SDK1: variants seen among roughly 807,000 people sequenced by gnomAD.
The protein encoded by SDK1 is sidekick cell adhesion molecule 1, also known as protein sidekick-1.
Under a neutral mutation model 245.5 loss-of-function variants are expected in SDK1, and 157 were observed. That is an observed-to-expected ratio of 0.64 (90% CI 0.56 to 0.73). SDK1 has a LOEUF of 0.73. Among genes scored for constraint, SDK1 ranks in the 30% least tolerant of loss-of-function variants. SDK1 has a pLI of 0.00. For missense variants in SDK1, 3,583 were observed against 3,002.3 expected (o/e 1.19, Z -4.52); for synonymous variants, 1,647 against 1,278.5 (o/e 1.29, Z -6.15).
At chr7:3,846,029 A>G (rs1457435719) in intron 5 of SDK1, among the ~76,000 whole-genome samples, 1 of 152,206 alleles carries the variant, frequency 6.6e-6, no homozygotes, top group Admixed American at 6.5e-5. Flanking sequence ...TTGATAACAC[A>G]TATGTATTTC....
chr7:3,959,129 GC>G, intron 8 of SDK1, 115 bp downstream of exon 8: 1 of 829,588 alleles, frequency 1.2e-6, no homozygotes, highest in Non-Finnish European at 2.1e-6. Context: ...ATGGCGAAGA[GC>G]AGACTTCAGA....
intron 4 of SDK1, among the ~76,000 whole-genome samples, chr7:3,680,579 T>C (rs1433671705): frequency 6.6e-6 from 1 of 152,222 alleles, no homozygotes; most frequent in African/African-American, 2.4e-5. Context: ...GGAAATTAGA[T>C]GAAGAGTACA....
chr7:3,971,653 G>A lies in SDK1; in HGVS notation c.1817+85G>A, dbSNP rs1782496234. ...GAAGTTGAGATGAGGAGGAAGAATTGGGGGAACTTTTGATTTCAGCAGCAG... is the reference window on the plus strand; with the variant it reads ...GAAGTTGAGATGAGGAGGAAGAATTAGGGGAACTTTTGATTTCAGCAGCAG... On this transcript the variant is annotated intron_variant, in intron 12 of 44. Coordinates refer to ENST00000404826, the MANE Select transcript of SDK1 (RefSeq NM_152744.4). 2.9e-6 allele frequency: 3 copies of A among 1,024,124 alleles called. No individual in the cohort carries two copies. The African/African-American group carries it at 4.7e-5, about 16-fold the overall frequency. 63.4% of individuals were successfully genotyped at this position (1,024,124 alleles called of 1,614,324 possible). A position where few individuals can be genotyped will look rare whatever the true frequency, so the allele number is the denominator to read the frequency against.
intron 25 of SDK1, among the ~76,000 whole-genome samples, chr7:4,114,822 T>G (rs2128192059): frequency 6.6e-6 from 1 of 152,308 alleles, no homozygotes. Flanking sequence ...ACTAATCTCC[T>G]TCTGCACCCA....
intron 28 of SDK1, among the ~76,000 whole-genome samples, chr7:4,141,485 C>G (rs1344872400): frequency 6.6e-6 from 1 of 152,174 alleles, no homozygotes; most frequent in Non-Finnish European, 1.5e-5. Flanking sequence ...GTAACCATGC[C>G]CTGCTCCTGA....
chr7:4,042,874 A>T (rs1380067965), intron 17 of SDK1, among the ~76,000 whole-genome samples: 1 of 152,218 alleles, frequency 6.6e-6, no homozygotes, highest in Non-Finnish European at 1.5e-5. Flanking sequence ...GGCATTTTTA[A>T]TTCCATTGTC....
rs375715373 is a variant in SDK1, at chr7:4,233,248, C to T, written c.5828-7C>T. ...CCTCTGCTCTCGCCTCCCCATCCCT[C>T]TTGCAGATGAAGGCTTATGGGACAT... On this transcript the variant is annotated splice_region_variant and splice_polypyrimidine_tract_variant and intron_variant, in intron 40 of 44. Transcript: ENST00000404826. 4.2e-4 allele frequency: 675 copies of T among 1,610,896 alleles called. No individual in the cohort carries two copies. The highest frequency in any genetic ancestry group is 5.4e-4 in the Non-Finnish European group (641 of 1,177,982).
intron 23 of SDK1, among the ~76,000 whole-genome samples, chr7:4,110,988 T>C (rs1783301975): frequency 6.6e-6 from 1 of 152,166 alleles, no homozygotes; most frequent in Admixed American, 6.5e-5. Flanking sequence ...ATGAGGCTCC[T>C]TCTATCAGTA....
Position 4,268,941 on chromosome 7 carries a change from G to A in SDK1, c.*3557G>A. On this transcript the variant is annotated 3_prime_UTR_variant, in exon 45 of 45. Transcript: ENST00000404826. ...AAAAGAAAAAAAGAAACAACTTGTA[G>A]GAAGACAGAGAGGTGCTATGGGTAC... The A allele has an allele frequency of 3.1e-6, 1 of 323,742 alleles. No individual in the cohort carries two copies. Among genetic ancestry groups the A allele is most frequent in the Non-Finnish European group, 6.2e-6 (1 of 161,058 alleles). 20.1% of individuals were successfully genotyped at this position (323,742 alleles called of 1,614,324 possible). A position where few individuals can be genotyped will look rare whatever the true frequency, so the allele number is the denominator to read the frequency against.
chr7:3,902,007 G>C (rs1781806861), intron 5 of SDK1, among the ~76,000 whole-genome samples: 1 of 152,046 alleles, frequency 6.6e-6, no homozygotes, highest in African/African-American at 2.4e-5. Context: ...TCACTTTCTA[G>C]CACAACAAGC....
intron 1 of SDK1, among the ~76,000 whole-genome samples, chr7:3,504,954 T>C (rs925366520): frequency 2.0e-5 from 3 of 152,168 alleles, no homozygotes; most frequent in Admixed American, 2.0e-4. Context: ...AAAAACTAGT[T>C]TCCAAATGTA....
At chr7:3,403,849 A>AT (rs1278386876) in intron 1 of SDK1, among the ~76,000 whole-genome samples, 22 of 97,836 alleles carry the variant, frequency 2.2e-4, no homozygotes, top group South Asian at 1.2e-3. Context: ...ATATATATAT[A>AT]TATATATATA....
chr7:3,632,542 A>G (rs545186100), intron 2 of SDK1, among the ~76,000 whole-genome samples: 1 of 145,690 alleles, frequency 6.9e-6, no homozygotes, highest in East Asian at 1.9e-4. Context: ...AACCAGTGCT[A>G]CAGATTCCAT....
intron 14 of SDK1, among the ~76,000 whole-genome samples, chr7:3,998,416 T>C (rs1487629756): frequency 1.3e-5 from 2 of 152,232 alleles, no homozygotes; most frequent in Non-Finnish European, 2.9e-5. Context: ...TTCCCACTTC[T>C]TAGGATTTTT....
rs117044366 is a variant in SDK1 at position 3,383,986 on chromosome 7, G to C, written c.298+82102G>C. 4.2e-3 allele frequency among the ~76,000 whole-genome samples: 640 copies of C among 152,188 alleles called. 9 individuals are homozygous for C. Among genetic ancestry groups the C allele is most frequent in the South Asian group, 0.018 (87 of 4,818 alleles). On this transcript the variant is annotated intron_variant, in intron 1 of 44. Coordinates refer to ENST00000404826, the MANE Select transcript of SDK1 (RefSeq NM_152744.4). The stretch of plus-strand genomic sequence containing the variant: ...AACATTTTATATTTTAAATGATTTA[G>C]ATCATTTATTATCCTTATAGAACTA...
intron 4 of SDK1, among the ~76,000 whole-genome samples, chr7:3,744,291 C>A (rs927840661): frequency 1.3e-5 from 2 of 152,068 alleles, no homozygotes; most frequent in African/African-American, 4.8e-5. Flanking sequence ...TGACTTTCTG[C>A]ATAGCACGTA....
intron 20 of SDK1, among the ~76,000 whole-genome samples, chr7:4,073,254 T>C (rs1338789535): frequency 1.3e-5 from 2 of 152,078 alleles, no homozygotes; most frequent in African/African-American, 4.8e-5. Context: ...CCAAAAGCTG[T>C]TGTTCATAAA....
intron 4 of SDK1, among the ~76,000 whole-genome samples, chr7:3,648,525 A>G (rs1407141239): frequency 6.6e-6 from 1 of 152,234 alleles, no homozygotes; most frequent in Non-Finnish European, 1.5e-5. Flanking sequence ...TGACTCAGAA[A>G]CAGTCTGATT....
At chr7:3,781,422 A>T (rs1184660544) in intron 4 of SDK1, among the ~76,000 whole-genome samples, 1 of 152,132 alleles carries the variant, frequency 6.6e-6, no homozygotes, top group Non-Finnish European at 1.5e-5. Flanking sequence ...TCTAGATTAG[A>T]TAGTGGAAAT....
Sources: gnomAD v4.1 joint callset for allele counts (sites outside exome capture counted in the v4.1 genomes callset) on GRCh38, gnomAD v4.1.1 for gene constraint, MANE v1.5 for transcripts, NCBI Gene and HGNC (gene_info 2026-07-23, HGNC 2026-07-21) for gene names.